Variants in GRID1 observed in about 807,000 individuals in gnomAD.
GRID1 encodes glutamate ionotropic receptor delta type subunit 1.
A neutral mutation model predicts 98.0 loss-of-function variants in GRID1; 28 were observed. That is an observed-to-expected ratio of 0.29 (90% CI 0.21 to 0.39). The LOEUF is 0.39. Among genes scored for constraint, GRID1 ranks in the 10% least tolerant of loss-of-function variants. The pLI, the probability that GRID1 is intolerant of heterozygous loss-of-function variation, is 1.00. For synonymous variants in GRID1, 553 were observed against 538.5 expected, an observed-to-expected ratio of 1.03 and a Z score of -0.37; for missense variants, 1,111 against 1,340.5, an observed-to-expected ratio of 0.83 and a Z score of 2.67.
At chr10:85,738,040 G>A (rs932215526) in intron 8 of GRID1, among the ~76,000 whole-genome samples, 1 of 151,964 alleles carries the variant, frequency 6.6e-6, no homozygotes, top group African/African-American at 2.4e-5. Context: ...TAGACTCAAG[G>A]GAGGCCACAT....
chr10:85,705,423 C>G (rs1564565461), intron 12 of GRID1, among the ~76,000 whole-genome samples: 1 of 152,174 alleles, frequency 6.6e-6, no homozygotes, highest in Non-Finnish European at 1.5e-5. Context: ...AGTTGAATCT[C>G]TGAATAGACC....
At chr10:86,227,973 C>T (rs1870163) in intron 2 of GRID1, among the ~76,000 whole-genome samples, 85,113 of 151,664 alleles carry the variant, frequency 0.56, 24,063 homozygotes, top group East Asian at 0.75. Flanking sequence ...GGTGGGCAGA[C>T]TGATGGGTGA....
chr10:85,888,177 T>C (rs1841144716), intron 5 of GRID1, among the ~76,000 whole-genome samples: 1 of 152,228 alleles, frequency 6.6e-6, no homozygotes, highest in African/African-American at 2.4e-5. Context: ...AATGACGCAA[T>C]AGCTTCTGCT....
intron 3 of GRID1, among the ~76,000 whole-genome samples, chr10:86,142,926 T>G (rs1845030483): frequency 1.3e-5 from 2 of 152,230 alleles, no homozygotes; most frequent in African/African-American, 4.8e-5. Flanking sequence ...AGCAACTGTC[T>G]TGGCACCCAT....
chr10:86,201,799 T>A (rs1281553596), intron 3 of GRID1, among the ~76,000 whole-genome samples: 2 of 151,218 alleles, frequency 1.3e-5, no homozygotes, highest in East Asian at 3.9e-4. Context: ...CATGCTTAGA[T>A]ACAACTTGGC....
chr10:86,302,159 G>C (rs1847698338), intron 2 of GRID1, among the ~76,000 whole-genome samples: 1 of 152,212 alleles, frequency 6.6e-6, no homozygotes, highest in Non-Finnish European at 1.5e-5. Context: ...AGCCAGGTGA[G>C]GTCTCTGCAG....
chr10:85,780,253 T>G (rs1361429885), intron 8 of GRID1, among the ~76,000 whole-genome samples: 1 of 152,150 alleles, frequency 6.6e-6, no homozygotes, highest in African/African-American at 2.4e-5. Flanking sequence ...CCATGGGCAC[T>G]GCAGTCCAGA....
intron 4 of GRID1, among the ~76,000 whole-genome samples, chr10:86,094,474 G>C (rs539439999): frequency 6.6e-6 from 1 of 152,264 alleles, no homozygotes; most frequent in Non-Finnish European, 1.5e-5. Context: ...AAAGCTCCTA[G>C]AACTGATAAA....
At chr10:85,840,465 T>C (rs938720095) in intron 8 of GRID1, among the ~76,000 whole-genome samples, 5 of 152,064 alleles carry the variant, frequency 3.3e-5, no homozygotes, top group African/African-American at 1.2e-4. Context: ...CTATTCAACA[T>C]AGTATTAGAA....
intron 8 of GRID1, among the ~76,000 whole-genome samples, chr10:85,826,519 T>A (rs1258937089): frequency 6.6e-6 from 1 of 151,728 alleles, no homozygotes; most frequent in African/African-American, 2.4e-5. Flanking sequence ...TCCCCCACCC[T>A]GTTGTTGCGG....
intron 3 of GRID1, among the ~76,000 whole-genome samples, chr10:86,141,608 AG>A (rs746600554): frequency 1.3e-5 from 2 of 152,250 alleles, no homozygotes; most frequent in Non-Finnish European, 2.9e-5. Flanking sequence ...CCCTGGATCT[AG>A]GCTGTACATA....
intron 2 of GRID1, among the ~76,000 whole-genome samples, chr10:86,220,444 C>T (rs901858951): frequency 2.0e-5 from 3 of 152,156 alleles, no homozygotes; most frequent in Non-Finnish European, 2.9e-5. Flanking sequence ...TAATGAGAGT[C>T]GAGTTAGTAC....
chr10:85,729,488 T>C (rs762487930), intron 9 of GRID1, 25 bp downstream of exon 9: 9 of 1,390,846 alleles, frequency 6.5e-6, no homozygotes, highest in East Asian at 2.3e-5. Context: ...TGTAGCTCGC[T>C]CCCAGAATGT....
chr10:86,299,972 C>G (rs1337524604), intron 2 of GRID1, among the ~76,000 whole-genome samples: 2 of 152,222 alleles, frequency 1.3e-5, no homozygotes, highest in Admixed American at 1.3e-4. Context: ...GTCACATCCA[C>G]CCCAACCTCA....
chr10:85,743,825 A>C (rs1841973034), intron 8 of GRID1, among the ~76,000 whole-genome samples: 2 of 152,290 alleles, frequency 1.3e-5, no homozygotes, highest in African/African-American at 4.8e-5. Flanking sequence ...CTAACTACTG[A>C]AGTGTCCAGG....
chr10:85,935,757 T>C (rs954392698), intron 4 of GRID1, among the ~76,000 whole-genome samples: 1 of 152,222 alleles, frequency 6.6e-6, no homozygotes, highest in Non-Finnish European at 1.5e-5. Flanking sequence ...GTTAGCTCTG[T>C]ATTTCGGATG....
At chr10:85,729,486 G>A (rs371772444) in intron 9 of GRID1, 27 bp downstream of exon 9, 269 of 1,343,058 alleles carry the variant, frequency 2.0e-4, no homozygotes, top group Admixed American at 3.6e-4. Context: ...GGTGTAGCTC[G>A]CTCCCAGAAT....
intron 8 of GRID1, among the ~76,000 whole-genome samples, chr10:85,757,821 C>G (rs932722172): frequency 5.9e-5 from 9 of 152,208 alleles, no homozygotes; most frequent in African/African-American, 1.9e-4. Flanking sequence ...CTATAAGATT[C>G]AATGATAAGC....
chr10:86,363,153 A>T (rs1353255509), intron 2 of GRID1, among the ~76,000 whole-genome samples: 1 of 152,252 alleles, frequency 6.6e-6, no homozygotes, highest in South Asian at 2.1e-4. Context: ...GAGGGAAAGC[A>T]GAGGGGGTTG....
Sources: gnomAD v4.1 joint callset for allele counts (sites outside exome capture counted in the v4.1 genomes callset) on GRCh38, gnomAD v4.1.1 for gene constraint, MANE v1.5 for transcripts, NCBI Gene and HGNC (gene_info 2026-07-23, HGNC 2026-07-21) for gene names.